The following PTPRD variants were observed in gnomAD, a reference collection of about 807,000 sequenced individuals.
The protein encoded by PTPRD is protein tyrosine phosphatase receptor type D, also known as receptor-type tyrosine-protein phosphatase delta.
In PTPRD, 34 loss-of-function variants were observed where a neutral mutation model predicts 214.5. The ratio of observed to expected loss-of-function variants is 0.16; its 90% CI spans 0.12 to 0.21. The LOEUF (loss-of-function observed/expected upper bound fraction) is 0.21, where lower values mean the gene tolerates loss of function less well. Ranked by LOEUF, PTPRD falls within the 10% of genes least tolerant of loss-of-function variation. The pLI, the probability that PTPRD is intolerant of heterozygous loss-of-function variation, is 1.00. For synonymous variants in PTPRD, 1,128 were observed against 845.7 expected (o/e 1.33, Z -5.79); for missense variants, 2,545 against 2,398.7 (o/e 1.06, Z -1.27).
At chr9:8,944,286 C>T (rs7872895) in intron 11 of PTPRD, among the ~76,000 whole-genome samples, 54,234 of 151,836 alleles carry the variant, frequency 0.36, 9,973 homozygotes, top group African/African-American at 0.41. Context: ...AAGGGGAATG[C>T]TCATACACTG....
intron 5 of PTPRD, among the ~76,000 whole-genome samples, chr9:9,837,536 T>G (rs16930412): frequency 0.018 from 2,696 of 152,154 alleles, 78 homozygotes; most frequent in African/African-American, 0.062. Context: ...TAGAGGGGTA[T>G]GTTTTAGGTT....
chr9:9,809,459 G>C (rs1412046858), intron 5 of PTPRD, among the ~76,000 whole-genome samples: 1 of 151,850 alleles, frequency 6.6e-6, no homozygotes, highest in Non-Finnish European at 1.5e-5. Flanking sequence ...AGTAGAGACG[G>C]GGTTTCACCA....
At chr9:9,369,524 G>A (rs577395507) in intron 9 of PTPRD, among the ~76,000 whole-genome samples, 2 of 152,156 alleles carry the variant, frequency 1.3e-5, no homozygotes, top group Admixed American at 6.5e-5. Context: ...TTTGTCAGAT[G>A]GGTAGATTGC....
At chr9:10,164,784 G>T (rs1165062747) in intron 3 of PTPRD, among the ~76,000 whole-genome samples, 2 of 151,204 alleles carry the variant, frequency 1.3e-5, no homozygotes, top group Non-Finnish European at 3.0e-5. Context: ...TAATGAAGCT[G>T]ACTCTAGATT....
At chr9:10,563,464 A>G (rs1369235513) in intron 2 of PTPRD, among the ~76,000 whole-genome samples, 1 of 152,170 alleles carries the variant, frequency 6.6e-6, no homozygotes, top group Non-Finnish European at 1.5e-5. Flanking sequence ...ATTTCTCATT[A>G]TTTGAGTATG....
At chr9:10,012,082 C>A (rs1432875016) in intron 4 of PTPRD, among the ~76,000 whole-genome samples, 2 of 151,896 alleles carry the variant, frequency 1.3e-5, no homozygotes, top group Non-Finnish European at 2.9e-5. Context: ...AAAGTACTAA[C>A]ATATGTAAGA....
chr9:9,719,833 C>G (rs1213957895), intron 7 of PTPRD, among the ~76,000 whole-genome samples: 1 of 152,198 alleles, frequency 6.6e-6, no homozygotes, highest in African/African-American at 2.4e-5. Flanking sequence ...ATTGGTCCTA[C>G]AGTAGAAGCC....
chr9:8,342,525 C>T (rs927662874), intron 39 of PTPRD, among the ~76,000 whole-genome samples: 5 of 152,094 alleles, frequency 3.3e-5, no homozygotes, highest in Non-Finnish European at 7.4e-5. Flanking sequence ...AATACTTTCT[C>T]TTCCTGATCA....
chr9:10,140,349 T>C (rs2098975246), intron 3 of PTPRD, among the ~76,000 whole-genome samples: 2 of 151,344 alleles, frequency 1.3e-5, no homozygotes, highest in African/African-American at 2.4e-5. Context: ...GATAGACCGC[T>C]AGCAAGACTA....
chr9:10,445,537 A>C (rs1199805758), intron 2 of PTPRD, among the ~76,000 whole-genome samples: 4 of 152,144 alleles, frequency 2.6e-5, no homozygotes, highest in Admixed American at 2.0e-4. Context: ...TAGAAGATCT[A>C]TGCATACAGG....
intron 3 of PTPRD, among the ~76,000 whole-genome samples, chr9:10,063,634 G>A (rs445608): frequency 0.17 from 25,372 of 151,904 alleles, 4,769 homozygotes; most frequent in African/African-American, 0.46. Flanking sequence ...AAACACATTA[G>A]TGTCATATGT....
chr9:10,609,953 C>T (rs953055932), intron 2 of PTPRD, among the ~76,000 whole-genome samples: 1 of 152,032 alleles, frequency 6.6e-6, no homozygotes, highest in African/African-American at 2.4e-5. Flanking sequence ...GTATACAGCA[C>T]TTTATTAGAA....
At chr9:10,020,268 A>G (rs2096822575) in intron 4 of PTPRD, among the ~76,000 whole-genome samples, 1 of 152,092 alleles carries the variant, frequency 6.6e-6, no homozygotes, top group African/African-American at 2.4e-5. Flanking sequence ...ACTATCCCCT[A>G]GCTTAGGTGT....
At chr9:9,250,054 A>C (rs551857167) in intron 9 of PTPRD, among the ~76,000 whole-genome samples, 1 of 152,196 alleles carries the variant, frequency 6.6e-6, no homozygotes, top group East Asian at 1.9e-4. Context: ...AATCATTTTT[A>C]ATATGACTGA....
chr9:10,227,080 T>C (rs947229193), intron 3 of PTPRD, among the ~76,000 whole-genome samples: 1 of 151,970 alleles, frequency 6.6e-6, no homozygotes, highest in Non-Finnish European at 1.5e-5. Context: ...TCAACCTCAA[T>C]ATTGACTATC....
intron 11 of PTPRD, among the ~76,000 whole-genome samples, chr9:8,996,923 T>C (rs1182290385): frequency 6.6e-6 from 1 of 152,118 alleles, no homozygotes; most frequent in Non-Finnish European, 1.5e-5. Context: ...GGTTTTATGA[T>C]TCTATGTGTT....
rs777066475 is a variant in PTPRD at position 8,948,060 on chromosome 9, G to A, written c.-104+70637C>T. On this transcript the variant is annotated intron_variant, in intron 11 of 45. Transcript: ENST00000381196. Reference sequence around the variant, plus strand: ...TTTTGAGACGGAGTCTCACTCTGTCGCCAGGCTGGAGTGCAGTGGTGTGAT... The same window carrying A: ...TTTTGAGACGGAGTCTCACTCTGTCACCAGGCTGGAGTGCAGTGGTGTGAT... Among the ~76,000 whole-genome samples the A allele has an allele frequency of 3.1e-3, 446 of 141,874 alleles. 6 individuals carry two copies. The highest frequency in any genetic ancestry group is 5.4e-3 in the Non-Finnish European group (356 of 66,360). The allele number at this position is 141,874 out of a possible 152,430, so 93.1% of individuals were successfully genotyped here.
chr9:9,931,143 T>G (rs1016568481), intron 5 of PTPRD, among the ~76,000 whole-genome samples: 1 of 152,174 alleles, frequency 6.6e-6, no homozygotes, highest in African/African-American at 2.4e-5. Context: ...AATTAGAAGT[T>G]ACTTTTTTCC....
At chr9:10,226,507 T>G (rs192841000) in intron 3 of PTPRD, among the ~76,000 whole-genome samples, 16 of 152,122 alleles carry the variant, frequency 1.1e-4, no homozygotes, top group African/African-American at 3.9e-4. Flanking sequence ...GGTGAAGCAG[T>G]GCAGGAATGA....
Sources: gnomAD v4.1 joint callset for allele counts (sites outside exome capture counted in the v4.1 genomes callset) on GRCh38, gnomAD v4.1.1 for gene constraint, MANE v1.5 for transcripts, NCBI Gene and HGNC (gene_info 2026-07-23, HGNC 2026-07-21) for gene names.